Variants in ARHGEF26 observed in about 807,000 individuals in gnomAD.
ARHGEF26 encodes Rho guanine nucleotide exchange factor 26, also known as Rho guanine nucleotide exchange factor (GEF) 26.
A neutral mutation model predicts 89.4 loss-of-function variants in ARHGEF26; 59 were observed. That is an observed-to-expected ratio of 0.66 (90% CI 0.54 to 0.82). ARHGEF26 has a LOEUF of 0.82. ARHGEF26 is among the 40% of genes least tolerant of loss of function. The probability of loss-of-function intolerance (pLI) is 0.00; values close to 1 mark genes in which losing one functional copy is unlikely to be tolerated. For missense variants in ARHGEF26, 1,234 were observed against 1,085.6 expected (o/e 1.14, Z -1.92); for synonymous variants, 500 against 428.4 (o/e 1.17, Z -2.06).
chr3:154,167,576 G>A (rs1264186983), intron 6 of ARHGEF26, among the ~76,000 whole-genome samples: 2 of 152,088 alleles, frequency 1.3e-5, no homozygotes, highest in Non-Finnish European at 2.9e-5. Flanking sequence ...CATTAAATGG[G>A]CACCTGGGAT....
chr3:154,125,544 T>C (rs932303250), intron 3 of ARHGEF26, among the ~76,000 whole-genome samples: 2 of 152,202 alleles, frequency 1.3e-5, no homozygotes, highest in Admixed American at 6.5e-5. Context: ...CTGCTTCTTA[T>C]AGCACTCTGA....
chr3:154,163,260 T>C (rs1461277106), intron 6 of ARHGEF26, among the ~76,000 whole-genome samples: 2 of 152,214 alleles, frequency 1.3e-5, no homozygotes, highest in African/African-American at 4.8e-5. Flanking sequence ...TAGTTATACA[T>C]CATTTCACTT....
At chr3:154,121,298 A>AGCTTCTT (rs1717878224), upstream of ARHGEF26, 1 of 150,792 alleles carries the variant, frequency 6.6e-6, no homozygotes, top group Non-Finnish European at 1.5e-5. Flanking sequence ...GCGGGAAGAC[A>AGCTTCTT]GCTTCTTGCT....
At chr3:154,189,542 T>G (rs1015674797) in intron 7 of ARHGEF26, among the ~76,000 whole-genome samples, 3 of 152,130 alleles carry the variant, frequency 2.0e-5, no homozygotes, top group African/African-American at 4.8e-5. Context: ...TTTCACCGTA[T>G]TAGCCAGGAT....
intron 9 of ARHGEF26, among the ~76,000 whole-genome samples, chr3:154,217,291 A>G (rs1431010416): frequency 2.2e-4 from 33 of 151,178 alleles, no homozygotes; most frequent in African/African-American, 8.0e-4. Context: ...GCCAGTGATG[A>G]TGAGCATTTT....
At chr3:154,142,359 C>T (rs1293506518) in intron 4 of ARHGEF26, among the ~76,000 whole-genome samples, 3 of 151,938 alleles carry the variant, frequency 2.0e-5, no homozygotes, top group Non-Finnish European at 4.4e-5. Context: ...TGAGTCACTG[C>T]GCCCAGCCAA....
At chr3:154,223,595 T>C (rs1435588460) in intron 10 of ARHGEF26, among the ~76,000 whole-genome samples, 1 of 152,192 alleles carries the variant, frequency 6.6e-6, no homozygotes, top group Non-Finnish European at 1.5e-5. Context: ...AATTCAAAGA[T>C]CACATATTGT....
intron 10 of ARHGEF26, among the ~76,000 whole-genome samples, chr3:154,219,959 C>T: frequency 9.2e-6 from 1 of 108,678 alleles, no homozygotes; most frequent in Non-Finnish European, 2.0e-5. Flanking sequence ...AAGTGATTAA[C>T]ATCAGTTGAG....
chr3:154,130,893 G>T (rs1291788102), intron 4 of ARHGEF26, among the ~76,000 whole-genome samples: 1 of 152,144 alleles, frequency 6.6e-6, no homozygotes, highest in Non-Finnish European at 1.5e-5. Context: ...TAATGTTGGT[G>T]CTGTATAGCC....
chr3:154,137,099 CAT>C (rs1331607629), intron 4 of ARHGEF26, among the ~76,000 whole-genome samples: 1 of 152,122 alleles, frequency 6.6e-6, no homozygotes, highest in Non-Finnish European at 1.5e-5. Context: ...CTCCAAAACT[CAT>C]ATGGAAATTT....
intron 12 of ARHGEF26, among the ~76,000 whole-genome samples, chr3:154,250,389 G>C (rs918279870): frequency 1.3e-5 from 2 of 151,700 alleles, no homozygotes; most frequent in Admixed American, 6.6e-5. Flanking sequence ...CTAAGAGGGG[G>C]GGGTGGGACT....
chr3:154,207,448 C>T (rs540053380), intron 9 of ARHGEF26, among the ~76,000 whole-genome samples: 1 of 152,066 alleles, frequency 6.6e-6, no homozygotes, highest in East Asian at 1.9e-4. Flanking sequence ...AGGACATGAA[C>T]AGACACTTCT....
intron 9 of ARHGEF26, among the ~76,000 whole-genome samples, chr3:154,204,158 G>A (rs918088636): frequency 1.3e-5 from 2 of 151,922 alleles, no homozygotes; most frequent in African/African-American, 4.8e-5. Context: ...TGTTATTACA[G>A]CTTCAATCTC....
intron 8 of ARHGEF26, among the ~76,000 whole-genome samples, chr3:154,193,584 G>A (rs1714083174): frequency 6.6e-6 from 1 of 152,110 alleles, no homozygotes; most frequent in Non-Finnish European, 1.5e-5. Flanking sequence ...GAATGTAAAT[G>A]TATTTAAAAT....
intron 4 of ARHGEF26, among the ~76,000 whole-genome samples, chr3:154,131,008 A>G (rs538258234): frequency 1.3e-5 from 2 of 152,272 alleles, no homozygotes; most frequent in East Asian, 3.9e-4. Context: ...CAATACACCA[A>G]GCGCTTTCTC....
At chr3:154,190,569 A>G (rs572931064) in intron 7 of ARHGEF26, among the ~76,000 whole-genome samples, 5 of 152,196 alleles carry the variant, frequency 3.3e-5, no homozygotes, top group Non-Finnish European at 5.9e-5. Flanking sequence ...TTACTAAGTC[A>G]TATTTACTTG....
At position 154,122,924 on chromosome 3, in the gene ARHGEF26, G is replaced by A; in HGVS notation, c.932G>A (p.Gly311Asp). 4 of 1,613,446 alleles carry A rather than the reference G, an allele frequency of 2.5e-6. No homozygotes were observed. Among genetic ancestry groups the A allele is most frequent in the Non-Finnish European group, 3.4e-6 (4 of 1,179,726 alleles). The change falls in exon 2 of 15, where the codon GGC (glycine) becomes GAC (aspartate). Residue 311 changes from glycine to aspartate, a missense_variant. Gly to Asp is a moderately conservative substitution (Grantham distance 94, BLOSUM62 -1). Coordinates refer to ENST00000465093, the MANE Select transcript of ARHGEF26 (RefSeq NM_015595.4). ...DVDSPGSLRRGLRSTSYRRAV... is the reference protein window; with the variant it reads ...DVDSPGSLRRDLRSTSYRRAV... ...GATAGCCCAGGGTCTCTGCGGAGAG[G>A]CTTGCGGTCCACGTCTTATCGCAGG... is the stretch of plus-strand genomic sequence containing the variant.
At chr3:154,125,847 A>G (rs1199647895) in intron 3 of ARHGEF26, among the ~76,000 whole-genome samples, 4 of 152,250 alleles carry the variant, frequency 2.6e-5, no homozygotes, top group Non-Finnish European at 5.9e-5. Context: ...ATTAACAAGA[A>G]TGTAACTAAA....
intron 4 of ARHGEF26, among the ~76,000 whole-genome samples, chr3:154,130,543 C>CT (rs1347400208): frequency 6.6e-6 from 1 of 152,134 alleles, no homozygotes; most frequent in Non-Finnish European, 1.5e-5. Flanking sequence ...GTATGCCTGT[C>CT]TCTGACACTT....
Sources: gnomAD v4.1 joint callset for allele counts (sites outside exome capture counted in the v4.1 genomes callset) on GRCh38, gnomAD v4.1.1 for gene constraint, MANE v1.5 for transcripts, NCBI Gene and HGNC (gene_info 2026-07-23, HGNC 2026-07-21) for gene names.